The following SCN2A variants were observed in gnomAD, a reference collection of about 807,000 sequenced individuals.
The protein encoded by SCN2A is sodium voltage-gated channel alpha subunit 2.
SCN2A carries 20 observed loss-of-function variants against 188.7 expected under a neutral mutation model. The observed-to-expected ratio is 0.11, with a 90% CI of 0.07 to 0.15. The LOEUF (loss-of-function observed/expected upper bound fraction) is 0.15. SCN2A is among the 10% of genes least tolerant of loss of function. The pLI, the probability that SCN2A is intolerant of heterozygous loss-of-function variation, is 1.00. For missense variants in SCN2A, 1,278 were observed against 2,445.0 expected, an observed-to-expected ratio of 0.52 and a Z score of 10.07; for synonymous variants, 804 against 833.1, an observed-to-expected ratio of 0.97 and a Z score of 0.60.
intron 21 of SCN2A, 138 bp downstream of exon 21, chr2:165,373,485 A>G (rs1421361362): frequency 6.4e-6 from 6 of 943,968 alleles, no homozygotes; most frequent in Non-Finnish European, 9.6e-6. Flanking sequence ...CAAAAATAAT[A>G]TTTACCAGAT....
At chr2:165,381,021 C>A in intron 24 of SCN2A, 72 bp from the exon 25 acceptor site, 1 of 1,061,282 alleles carries the variant, frequency 9.4e-7, no homozygotes, top group Non-Finnish European at 1.4e-6. Flanking sequence ...CCAATTTTCA[C>A]ATGATTACTA....
intron 1 of SCN2A, chr2:165,270,378 A>G (rs1322021083): frequency 2.0e-5 from 3 of 151,972 alleles, no homozygotes; most frequent in African/African-American, 7.3e-5. Context: ...ATCCACTCTT[A>G]CAGCTGTACT....
chr2:165,347,835 G>C (rs1699682359), intron 16 of SCN2A, among the ~76,000 whole-genome samples: 1 of 152,098 alleles, frequency 6.6e-6, no homozygotes, highest in Admixed American at 6.5e-5. Flanking sequence ...CTTTGTCAAA[G>C]AGTTTGGACC....
chr2:165,379,522 A>G (rs1261789785), intron 23 of SCN2A, among the ~76,000 whole-genome samples: 1 of 151,688 alleles, frequency 6.6e-6, no homozygotes, highest in Non-Finnish European at 1.5e-5. Context: ...AAGTTGTAGC[A>G]ATGTCCTGGG....
At chr2:165,290,777 A>G (rs1455485240) in intron 1 of SCN2A, 1 of 985,144 alleles carries the variant, frequency 1.0e-6, no homozygotes, top group Admixed American at 6.2e-5. Flanking sequence ...ACTATGGGGA[A>G]GGAATCTTGT....
rs186523456 is a variant in SCN2A at position 165,388,025 on chromosome 2, A to G, written c.4823-604A>G. On this transcript the variant is annotated intron_variant, in intron 26 of 26. Transcript: ENST00000375437. ...GTGAGGATTAAATCAGATTATGTAT[A>G]TATATGCACTTAGCACTGTGCCTAG... Among the ~76,000 whole-genome samples the G allele has an allele frequency of 5.3e-5, 8 of 152,276 alleles. No homozygotes were observed. In the East Asian group the frequency reaches 1.5e-3, roughly 29 times the overall value.
intron 21 of SCN2A, 34 bp downstream of exon 21, chr2:165,373,381 A>G: frequency 1.2e-6 from 2 of 1,611,150 alleles, no homozygotes; most frequent in Non-Finnish European, 1.7e-6. Context: ...TGTCAGAATT[A>G]TTATTGAGAG....
chr2:165,284,271 T>C (rs991466648), intron 1 of SCN2A, among the ~76,000 whole-genome samples: 6 of 151,936 alleles, frequency 3.9e-5, no homozygotes, highest in Non-Finnish European at 7.4e-5. Flanking sequence ...CCTGGGTTCA[T>C]GCCATTCTCC....
chr2:165,330,731 T>G (rs1698628154), intron 13 of SCN2A, among the ~76,000 whole-genome samples: 1 of 152,108 alleles, frequency 6.6e-6, no homozygotes, highest in Non-Finnish European at 1.5e-5. Flanking sequence ...TTCCTTAGGC[T>G]GGGGTATTTT....
rs554566404 is a variant in SCN2A, at chr2:165,328,695, T to C, written c.2149+1711T>C. On this transcript the variant is annotated intron_variant, in intron 13 of 26. Transcript: ENST00000375437. Reference sequence around the variant, plus strand: ...ATAAATGCACCCACACCTTTCTCCATGGAACTATGTGACATGGGGTTGCTT... The same window carrying C: ...ATAAATGCACCCACACCTTTCTCCACGGAACTATGTGACATGGGGTTGCTT... 4.6e-5 allele frequency among the ~76,000 whole-genome samples: 7 copies of C among 152,326 alleles called. No individual in the cohort carries two copies. In the East Asian group the frequency reaches 1.2e-3, roughly 25 times the overall value.
At chr2:165,295,674 G>T in intron 1 of SCN2A, 99 bp from the exon 2 acceptor site, 2 of 1,068,606 alleles carry the variant, frequency 1.9e-6, no homozygotes, top group East Asian at 2.6e-5. Flanking sequence ...ATAGCTATCT[G>T]AGTTTCTATG....
chr2:165,291,384 C>G (rs1347150636), intron 1 of SCN2A, among the ~76,000 whole-genome samples: 2 of 148,602 alleles, frequency 1.3e-5, no homozygotes, highest in African/African-American at 5.0e-5. Context: ...TCCTTCCTTC[C>G]TTCCTTCCTT....
chr2:165,390,221 C>T lies in SCN2A; in HGVS notation c.*397C>T. On this transcript the variant is annotated 3_prime_UTR_variant, in exon 27 of 27. Coordinates refer to ENST00000375437, the MANE Select transcript of SCN2A (RefSeq NM_001040142.2). ...CCACACCTGCCATATTTTTACAAAA[C>T]GTGTGCTGTGAATTTATCACTTTTC... 4.9e-6 allele frequency: 1 copy of T among 205,938 alleles called. No individual in the cohort carries two copies. Among genetic ancestry groups the T allele is most frequent in the Non-Finnish European group, 1.0e-5 (1 of 100,462 alleles). 12.8% of individuals were successfully genotyped at this position (205,938 alleles called of 1,614,324 possible).
At chr2:165,385,527 C>T (rs1701825132) in intron 25 of SCN2A, among the ~76,000 whole-genome samples, 1 of 152,106 alleles carries the variant, frequency 6.6e-6, no homozygotes, top group African/African-American at 2.4e-5. Flanking sequence ...TTTATTCTTA[C>T]AGAAGAGTTA....
chr2:165,289,762 C>T (rs1696018289), intron 1 of SCN2A, among the ~76,000 whole-genome samples: 1 of 151,972 alleles, frequency 6.6e-6, no homozygotes, highest in African/African-American at 2.4e-5. Flanking sequence ...GTTGTTCATT[C>T]GATGTTTTAT....
intron 6 of SCN2A, 97 bp from the exon 7 acceptor site, chr2:165,310,226 G>A: frequency 7.7e-7 from 1 of 1,295,056 alleles, no homozygotes. Flanking sequence ...CATTCTGCAT[G>A]ACATTTTTAT....
chr2:165,326,852 G>T lies in SCN2A; in HGVS notation c.2017G>T (p.Gly673Cys), dbSNP rs766339753. 1 of 1,613,768 alleles carries T rather than the reference G, an allele frequency of 6.2e-7. No homozygotes were observed. Among genetic ancestry groups the T allele is most frequent in the South Asian group, 1.1e-5 (1 of 91,056 alleles). ...LTSAGQLLPE[G>C]TTTETEIRKR... is the part of the protein sequence containing the mutation. Reference sequence around the variant, plus strand: ...ATTTCATCTGAAATTCTACTTCTAGGGCACAACTACTGAAACAGAAATAAG... The same window carrying T: ...ATTTCATCTGAAATTCTACTTCTAGTGCACAACTACTGAAACAGAAATAAG... Residue 673 changes from glycine to cysteine, a missense_variant and splice_region_variant, in exon 13 of 27, where the codon GGC becomes TGC. This residue lies in a region of SCN2A where 315 missense variants were observed against 386.6 expected (regional missense o/e 0.81). Coordinates refer to ENST00000375437, the MANE Select transcript of SCN2A (RefSeq NM_001040142.2).
intron 1 of SCN2A, among the ~76,000 whole-genome samples, chr2:165,289,797 T>G (rs1294932420): frequency 6.6e-6 from 1 of 152,160 alleles, no homozygotes; most frequent in Non-Finnish European, 1.5e-5. Flanking sequence ...CATTTTGTGT[T>G]CACCCTTTTA....
intron 13 of SCN2A, 120 bp from the exon 14 acceptor site, chr2:165,331,210 A>C (rs1362356039): frequency 3.7e-6 from 3 of 805,226 alleles, no homozygotes; most frequent in Non-Finnish European, 6.3e-6. Context: ...TTCCTCCAGC[A>C]GATTAACCCA....
Sources: allele counts gnomAD v4.1 joint callset (sites outside exome capture counted in the v4.1 genomes callset), GRCh38; gene constraint gnomAD v4.1.1; regional missense constraint gnomAD v4.1.1; transcripts MANE v1.5; gene names NCBI Gene and HGNC (gene_info 2026-07-23, HGNC 2026-07-21).